The following FBXL7 variants were observed in gnomAD, a reference collection of about 807,000 sequenced individuals.
FBXL7 encodes the protein F-box/LRR-repeat protein 7.
Under a neutral mutation model 38.3 loss-of-function variants are expected in FBXL7, and 12 were observed. That is an observed-to-expected ratio of 0.31 (90% CI 0.20 to 0.51). The LOEUF (loss-of-function observed/expected upper bound fraction) is 0.51. Ranked by LOEUF, FBXL7 falls within the 20% of genes least tolerant of loss-of-function variation. The pLI, the probability that FBXL7 is intolerant of heterozygous loss-of-function variation, is 0.98. For missense variants in FBXL7, 567 were observed against 676.4 expected, an observed-to-expected ratio of 0.84 and a Z score of 1.79; for synonymous variants, 297 against 300.9, an observed-to-expected ratio of 0.99 and a Z score of 0.13.
intron 2 of FBXL7, among the ~76,000 whole-genome samples, chr5:15,619,365 A>G (rs1740552257): frequency 6.6e-6 from 1 of 152,094 alleles, no homozygotes; most frequent in Non-Finnish European, 1.5e-5. Context: ...ACAATGCCAA[A>G]CCGTCACCGA....
chr5:15,720,470 C>T (rs1744163644), intron 2 of FBXL7, among the ~76,000 whole-genome samples: 1 of 148,494 alleles, frequency 6.7e-6, no homozygotes, highest in Non-Finnish European at 1.5e-5. Context: ...GCCTGATTAC[C>T]TGATTCACTT....
chr5:15,581,216 C>T (rs1423063752), intron 1 of FBXL7, among the ~76,000 whole-genome samples: 1 of 152,132 alleles, frequency 6.6e-6, no homozygotes. Context: ...CAGCAATTCT[C>T]CTACTGGCAG....
intron 2 of FBXL7, among the ~76,000 whole-genome samples, chr5:15,879,123 C>G (rs914497350): frequency 2.6e-5 from 4 of 152,158 alleles, no homozygotes; most frequent in Non-Finnish European, 5.9e-5. Flanking sequence ...CATTAATTTT[C>G]ACTTCTAGAA....
At chr5:15,927,764 T>TAAAAAAAAAAAAAAAAAAAAAAAA (rs753935096) in intron 2 of FBXL7, 126 bp from the exon 3 acceptor site, 9 of 456,838 alleles carry the variant, frequency 2.0e-5, no homozygotes, top group Admixed American at 1.9e-4. Flanking sequence ...GACAAGATCT[T>TAAAAAAAAAAAAAAAAAAAAAAAA]AAAAAAAAAA....
intron 2 of FBXL7, among the ~76,000 whole-genome samples, chr5:15,808,502 T>C (rs1300469381): frequency 6.6e-6 from 1 of 152,164 alleles, no homozygotes; most frequent in African/African-American, 2.4e-5. Context: ...TGGGCATGAC[T>C]GTGTATTTCC....
chr5:15,505,277 C>T (rs1470873796), intron 1 of FBXL7, among the ~76,000 whole-genome samples: 1 of 152,140 alleles, frequency 6.6e-6, no homozygotes, highest in African/African-American at 2.4e-5. Flanking sequence ...CTTGTAGATT[C>T]CACATTTTAC....
intron 1 of FBXL7, among the ~76,000 whole-genome samples, chr5:15,590,123 G>T (rs980206641): frequency 1.3e-5 from 2 of 152,164 alleles, no homozygotes; most frequent in African/African-American, 4.8e-5. Context: ...GGAAGTGGGA[G>T]AGAGAAGAGC....
intron 2 of FBXL7, among the ~76,000 whole-genome samples, chr5:15,885,148 G>A (rs141377218): frequency 7.9e-5 from 12 of 152,268 alleles, no homozygotes; most frequent in African/African-American, 7.2e-5. Context: ...CCTCACTCAC[G>A]CAGTTGGTGG....
chr5:15,519,412 T>A (rs1369065028), intron 1 of FBXL7, among the ~76,000 whole-genome samples: 2 of 151,850 alleles, frequency 1.3e-5, no homozygotes, highest in Admixed American at 1.3e-4. Context: ...GTGAGTTGGC[T>A]TATGAATATA....
intron 1 of FBXL7, among the ~76,000 whole-genome samples, chr5:15,518,666 T>C (rs1420451889): frequency 6.6e-6 from 1 of 152,110 alleles, no homozygotes; most frequent in African/African-American, 2.4e-5. Flanking sequence ...CTTGGGCAAT[T>C]GGGTGCCACA....
chr5:15,867,675 A>G (rs1739773301), intron 2 of FBXL7, among the ~76,000 whole-genome samples: 1 of 152,198 alleles, frequency 6.6e-6, no homozygotes, highest in South Asian at 2.1e-4. Flanking sequence ...ATTAATCTTG[A>G]TTACTTAAGT....
chr5:15,709,273 C>T (rs1333779941), intron 2 of FBXL7, among the ~76,000 whole-genome samples: 1 of 152,104 alleles, frequency 6.6e-6, no homozygotes, highest in South Asian at 2.1e-4. Context: ...GTAGCTCATG[C>T]CTGTAATCCC....
chr5:15,720,546 A>G lies in FBXL7; in HGVS notation c.127+104474A>G, dbSNP rs1362208219. On this transcript the variant is annotated intron_variant, in intron 2 of 3. Coordinates refer to ENST00000504595, the MANE Select transcript of FBXL7 (RefSeq NM_012304.5). Reference sequence around the variant, plus strand: ...TCATTGAATAACTTACTAAAACTTTATGTGTTTAAATTGTATCTAATTTTG... The same window carrying G: ...TCATTGAATAACTTACTAAAACTTTGTGTGTTTAAATTGTATCTAATTTTG... Among the ~76,000 whole-genome samples, 3 of 148,652 alleles carry G rather than the reference A, an allele frequency of 2.0e-5. No individual in the cohort carries two copies. The East Asian group carries it at 5.9e-4, about 29-fold the overall frequency.
At chr5:15,801,659 G>A (rs1252745596) in intron 2 of FBXL7, among the ~76,000 whole-genome samples, 5 of 146,734 alleles carry the variant, frequency 3.4e-5, no homozygotes, top group African/African-American at 7.4e-5. Context: ...GTGTGTGTGC[G>A]CGCGCGCGTG....
intron 1 of FBXL7, among the ~76,000 whole-genome samples, chr5:15,555,492 T>G (rs1738202280): frequency 6.6e-6 from 1 of 152,180 alleles, no homozygotes; most frequent in Non-Finnish European, 1.5e-5. Flanking sequence ...GCATCCTGGG[T>G]TGGGCAGTGG....
At position 15,602,542 on chromosome 5, in the gene FBXL7, G is replaced by C. The variant is rs114351443; in HGVS notation, c.38-13441G>C. 6.5e-3 allele frequency among the ~76,000 whole-genome samples: 995 copies of C among 152,144 alleles called. 5 individuals are homozygous for C. Among genetic ancestry groups the C allele is most frequent in the African/African-American group, 0.023 (962 of 41,492 alleles). The stretch of plus-strand genomic sequence containing the variant: ...GGCAGACATGGAGCCTACTCTCATG[G>C]AGTTGACCATCAAGTGCAGAAGACA... On this transcript the variant is annotated intron_variant, in intron 1 of 3. Transcript: ENST00000504595.
intron 2 of FBXL7, among the ~76,000 whole-genome samples, chr5:15,741,675 G>A (rs1168002062): frequency 6.6e-6 from 1 of 152,044 alleles, no homozygotes; most frequent in Non-Finnish European, 1.5e-5. Context: ...GGAAAAGCAA[G>A]GCGTGAGGCA....
intron 2 of FBXL7, among the ~76,000 whole-genome samples, chr5:15,829,530 T>C (rs1008213513): frequency 2.0e-5 from 3 of 152,172 alleles, no homozygotes; most frequent in Admixed American, 1.3e-4. Flanking sequence ...TGGTTAAAAA[T>C]GAAACAGACT....
intron 2 of FBXL7, among the ~76,000 whole-genome samples, chr5:15,728,141 T>G (rs1342906752): frequency 6.6e-6 from 1 of 152,172 alleles, no homozygotes; most frequent in Non-Finnish European, 1.5e-5. Flanking sequence ...CTCCCTATAT[T>G]TCTCTATTGC....
Sources: allele counts gnomAD v4.1 joint callset (sites outside exome capture counted in the v4.1 genomes callset), GRCh38; gene constraint gnomAD v4.1.1; transcripts MANE v1.5; gene names NCBI Gene and HGNC (gene_info 2026-07-23, HGNC 2026-07-21).